The following TLR2 variants were observed in gnomAD, a reference collection of about 807,000 sequenced individuals.
TLR2 encodes the protein toll like receptor 2.
TLR2 carries 7 observed loss-of-function variants against 9.1 expected under a neutral mutation model. That is an observed-to-expected ratio of 0.77 (90% confidence interval 0.44 to 1.44). The LOEUF (loss-of-function observed/expected upper bound fraction) is 1.44, where lower values mean the gene tolerates loss of function less well. Ranked by LOEUF, TLR2 falls within the 40% of genes most tolerant of loss-of-function variation. The probability of loss-of-function intolerance (pLI) is 0.01; values close to 1 mark genes in which losing one functional copy is unlikely to be tolerated. For missense variants in TLR2, 812 were observed against 904.6 expected (o/e 0.90, Z 1.31); for synonymous variants, 317 against 344.6 (o/e 0.92, Z 0.89).
chr4:153,691,664 G>A (rs1028958896), intron 2 of TLR2, among the ~76,000 whole-genome samples: 5 of 152,294 alleles, frequency 3.3e-5, no homozygotes, highest in Middle Eastern at 3.4e-3. Flanking sequence ...ATGAGACTAG[G>A]ATCTCCTCTA....
intron 1 of TLR2, among the ~76,000 whole-genome samples, chr4:153,685,310 C>T (rs1735624984): frequency 6.6e-6 from 1 of 151,898 alleles, no homozygotes; most frequent in Non-Finnish European, 1.5e-5. Context: ...AGTCTTTTTC[C>T]TGTTTGAAAG....
At position 153,698,220 on chromosome 4, in the gene TLR2, A is replaced by G. The variant is rs76587841; in HGVS notation, c.-16-4672A>G. 5.0e-3 allele frequency among the ~76,000 whole-genome samples: 760 copies of G among 152,302 alleles called. 7 individuals carry two copies. The highest frequency in any genetic ancestry group is 0.018 in the African/African-American group (729 of 41,584). On this transcript the variant is annotated intron_variant, in intron 2 of 2. Transcript: ENST00000642700. ...TTCCAGAACTCTAGCAAAGAAGTGG[A>G]TTGGTTCATAAAACTGCCAACCCAA... is the stretch of plus-strand genomic sequence containing the variant.
At chr4:153,708,763 G>A (rs1400389807), downstream of TLR2, among the ~76,000 whole-genome samples, 2 of 152,110 alleles carry the variant, frequency 1.3e-5, no homozygotes, top group East Asian at 3.8e-4. Flanking sequence ...TGAACACGGG[G>A]GGATCCATGG....
chr4:153,702,826 C>A, intron 2 of TLR2, 66 bp from the exon 3 acceptor site: 1 of 1,238,944 alleles, frequency 8.1e-7, no homozygotes, highest in Non-Finnish European at 1.1e-6. Context: ...GAAAACATTT[C>A]TCAAGAATTA....
At chr4:153,693,786 C>T (rs190899039) in intron 2 of TLR2, among the ~76,000 whole-genome samples, 194 of 152,290 alleles carry the variant, frequency 1.3e-3, no homozygotes, top group African/African-American at 3.9e-3. Context: ...CTGATGCTTC[C>T]GAGCTCCCCT....
At chr4:153,702,665 T>C in intron 2 of TLR2, 1 of 501,402 alleles carries the variant, frequency 2.0e-6, no homozygotes, top group South Asian at 2.9e-5. Context: ...TGCATAGTGG[T>C]TGTATGTCTG....
In TLR2 at chr4:153,703,818, T is replaced by G. The variant is rs1362483424; in HGVS notation, c.911T>G (p.Ile304Arg). The change falls in exon 3 of 3, where the codon ATA (isoleucine) becomes AGA (arginine). Residue 304 changes from isoleucine (I) to arginine (R), a missense_variant. Ile to Arg is a moderately conservative substitution (Grantham distance 97). Transcript: ENST00000642700. ...AGAGCATCTGATAATGACAGAGTTA[T>G]AGATCCAGGTAAAGTGGAAACGTTA... Reference protein sequence around the residue: ...NFRASDNDRVIDPGKVETLTI... With the variant: ...NFRASDNDRVRDPGKVETLTI... The G allele has an allele frequency of 6.2e-7, 1 of 1,613,906 alleles. No individual in the cohort carries two copies. Among genetic ancestry groups the G allele is most frequent in the African/African-American group, 1.3e-5 (1 of 74,926 alleles).
In TLR2 at chr4:153,705,827, AC is replaced by A. The variant is rs1737299930; in HGVS notation, c.*566del. On this transcript the variant is annotated 3_prime_UTR_variant, in exon 3 of 3. Transcript: ENST00000642700. ...CAGAACCCATGGATATAGAGGGCCA[AC>A]TGTAATCTGTAGCAACTGGCTTAGT... 6.0e-5 allele frequency: 10 copies of A among 167,118 alleles called. No individual in the cohort carries two copies. In the Admixed American group the frequency reaches 6.5e-4, roughly 11 times the overall value. 10.4% of individuals were successfully genotyped at this position (167,118 alleles called of 1,614,324 possible).
chr4:153,695,059 T>C (rs1047259888), intron 2 of TLR2, among the ~76,000 whole-genome samples: 3 of 152,242 alleles, frequency 2.0e-5, no homozygotes, highest in African/African-American at 7.2e-5. Context: ...ACATTTTCTT[T>C]ATCCATTCAT....
intron 1 of TLR2, among the ~76,000 whole-genome samples, chr4:153,687,230 A>G (rs1475741900): frequency 6.6e-6 from 1 of 152,214 alleles, no homozygotes. Context: ...ATGAAGAGTG[A>G]CGAAAAATGA....
Position 153,691,058 on chromosome 4 carries a change from A to G in TLR2, c.-17+3011A>G, listed in dbSNP as rs561858061. 2.3e-4 allele frequency among the ~76,000 whole-genome samples: 35 copies of G among 152,346 alleles called. No individual in the cohort carries two copies. The East Asian group carries it at 5.4e-3, about 24-fold the overall frequency. On this transcript the variant is annotated intron_variant, in intron 2 of 2. Transcript: ENST00000642700. ...CATATCAAAAGCAGTCAATACCTCA[A>G]TTACAGCTAAAGCTCCACTTTTTGA...
intron 2 of TLR2, among the ~76,000 whole-genome samples, chr4:153,692,258 G>A (rs868765970): frequency 7.9e-5 from 12 of 152,300 alleles, no homozygotes; most frequent in Middle Eastern, 3.4e-3. Context: ...AGTCCCGGCT[G>A]CAATGTCCCC....
rs569985481 is a variant in TLR2 at position 153,704,440 on chromosome 4, A to G, written c.1533A>G (p.Ile511Met). The G allele has an allele frequency of 6.2e-7, 1 of 1,614,160 alleles. No homozygotes were observed. Among genetic ancestry groups the G allele is most frequent in the African/African-American group, 1.3e-5 (1 of 75,044 alleles). The change falls in exon 3 of 3, where the codon ATA becomes ATG. Residue 511 changes from isoleucine (I) to methionine (M), a missense_variant. Transcript: ENST00000642700. Reference protein sequence around the residue: ...LLVLKISRNAITTFSKEQLDS... With the variant: ...LLVLKISRNAMTTFSKEQLDS... ...TATTGAAAATCAGTAGGAATGCAAT[A>G]ACTACGTTTTCTAAGGAGCAACTTG...
chr4:153,700,790 T>A (rs1024682367), intron 2 of TLR2, among the ~76,000 whole-genome samples: 3 of 152,172 alleles, frequency 2.0e-5, no homozygotes, highest in Admixed American at 6.5e-5. Context: ...GGTATAGGGA[T>A]AGACAAATGA....
intron 2 of TLR2, among the ~76,000 whole-genome samples, chr4:153,696,358 A>G (rs1342378845): frequency 1.3e-5 from 2 of 152,092 alleles, no homozygotes; most frequent in Non-Finnish European, 2.9e-5. Context: ...AATTTCTTGC[A>G]TCAGTGTTTA....
downstream of TLR2, among the ~76,000 whole-genome samples, chr4:153,708,892 T>C (rs903507181): frequency 2.0e-5 from 3 of 151,902 alleles, no homozygotes; most frequent in African/African-American, 4.8e-5. Flanking sequence ...GTAGGTGGAG[T>C]TGTGCAGACA....
chr4:153,687,609 A>G (rs990626351), intron 1 of TLR2, among the ~76,000 whole-genome samples: 1 of 151,674 alleles, frequency 6.6e-6, no homozygotes, highest in African/African-American at 2.4e-5. Context: ...TTTTTTTTGT[A>G]ATTAATAGCT....
chr4:153,695,979 A>T (rs1398786590), intron 2 of TLR2, among the ~76,000 whole-genome samples: 3 of 152,076 alleles, frequency 2.0e-5, no homozygotes, highest in Non-Finnish European at 4.4e-5. Flanking sequence ...AAATGAATTC[A>T]CTGTAGATGT....
Position 153,703,754 on chromosome 4 carries a change from G to A in TLR2, c.847G>A (p.Glu283Lys). ...LNQISGLLEL[E>K]FDDCTLNGVG... ...TCAGATTTCTGGATTGTTAGAATTAGAGTTTGATGACTGTACCCTTAATGG... is the reference window on the plus strand; with the variant it reads ...TCAGATTTCTGGATTGTTAGAATTAAAGTTTGATGACTGTACCCTTAATGG... Residue 283 changes from glutamate to lysine, a missense_variant, in exon 3 of 3, where the codon GAG (glutamate) becomes AAG (lysine). Transcript: ENST00000642700. 6.2e-7 allele frequency: 1 copy of A among 1,613,972 alleles called. No individual in the cohort carries two copies. The highest frequency in any genetic ancestry group is 8.5e-7 in the Non-Finnish European group (1 of 1,180,000).
Sources: gnomAD v4.1 joint callset for allele counts (sites outside exome capture counted in the v4.1 genomes callset) on GRCh38, gnomAD v4.1.1 for gene constraint, MANE v1.5 for transcripts, NCBI Gene and HGNC (gene_info 2026-07-23, HGNC 2026-07-21) for gene names.